The following HEATR5B variants were observed in gnomAD, a reference collection of about 807,000 sequenced individuals.
HEATR5B encodes the protein HEAT repeat containing 5B.
HEATR5B carries 156 observed loss-of-function variants against 224.1 expected under a neutral mutation model. That is an observed-to-expected ratio of 0.70 (90% CI 0.61 to 0.80). HEATR5B has a LOEUF of 0.80. Ranked by LOEUF, HEATR5B falls within the 30% of genes least tolerant of loss-of-function variation. The pLI is 0.00. For missense variants in HEATR5B, 2,323 were observed against 2,535.5 expected (o/e 0.92, Z 1.80); for synonymous variants, 1,027 against 893.0 (o/e 1.15, Z -2.68).
intron 2 of HEATR5B, 129 bp from the exon 3 acceptor site, chr2:37,079,460 C>T: frequency 1.9e-6 from 1 of 525,406 alleles, no homozygotes. Flanking sequence ...TAAACATAAA[C>T]CGTGAGAATT....
chr2:37,055,470 T>C (rs914083656), intron 16 of HEATR5B, among the ~76,000 whole-genome samples: 9 of 152,196 alleles, frequency 5.9e-5, no homozygotes, highest in Non-Finnish European at 1.2e-4. Flanking sequence ...AATGTTGAAA[T>C]AGATGCTTTA....
At chr2:37,062,707 T>C (rs1342818227) in intron 10 of HEATR5B, among the ~76,000 whole-genome samples, 1 of 152,264 alleles carries the variant, frequency 6.6e-6, no homozygotes, top group African/African-American at 2.4e-5. Flanking sequence ...TGCTACTACT[T>C]TGTCATTTCA....
At chr2:37,004,726 C>G (rs886597215) in intron 30 of HEATR5B, among the ~76,000 whole-genome samples, 2 of 152,102 alleles carry the variant, frequency 1.3e-5, no homozygotes, top group African/African-American at 4.8e-5. Context: ...TAACTCTGTT[C>G]TCTTTTGGTT....
intron 33 of HEATR5B, among the ~76,000 whole-genome samples, chr2:36,999,078 T>C (rs1366663043): frequency 2.0e-5 from 3 of 151,514 alleles, no homozygotes; most frequent in Non-Finnish European, 2.9e-5. Flanking sequence ...CTGGGCGTGG[T>C]GGTGCGTGCC....
chr2:36,984,340 T>G (rs950287730), intron 35 of HEATR5B, among the ~76,000 whole-genome samples: 8 of 150,850 alleles, frequency 5.3e-5, no homozygotes, highest in African/African-American at 1.9e-4. Context: ...CTGGATTCTT[T>G]TATTATCTAA....
At chr2:37,074,939 A>C (rs1672133975) in intron 5 of HEATR5B, among the ~76,000 whole-genome samples, 1 of 152,264 alleles carries the variant, frequency 6.6e-6, no homozygotes, top group Non-Finnish European at 1.5e-5. Flanking sequence ...GATATGAAGG[A>C]AGAGAAATTC....
chr2:37,081,895 T>C (rs1672593348), intron 2 of HEATR5B, among the ~76,000 whole-genome samples: 1 of 54,730 alleles, frequency 1.8e-5, no homozygotes, highest in African/African-American at 4.2e-5. Flanking sequence ...GGGGAATGAC[T>C]AGCCTACAGA....
At position 37,072,175 on chromosome 2, in the gene HEATR5B, C is replaced by G; in HGVS notation, c.704G>C (p.Arg235Pro). The G allele has an allele frequency of 1.2e-6, 2 of 1,613,968 alleles. No individual in the cohort carries two copies. Among genetic ancestry groups the G allele is most frequent in the East Asian group, 2.2e-5 (1 of 44,876 alleles). The stretch of plus-strand genomic sequence containing the variant: ...TCCTAAAAGTTTAGACACTGCCACT[C>G]GTACCCCATAATTTGAGTTTTCCAA... ...KALENSNYGV[R>P]VAVSKLLGTV... The change falls in exon 6 of 36, where the codon CGA becomes CCA. Residue 235 changes from arginine to proline, a missense_variant. This residue lies in a region of HEATR5B where 292 missense variants were observed against 332.6 expected (regional missense o/e 0.88). Coordinates refer to ENST00000233099, the MANE Select transcript of HEATR5B (RefSeq NM_019024.3).
chr2:36,984,215 A>AAAAAAAAAAAAAAAAAAAAATAT, intron 35 of HEATR5B, among the ~76,000 whole-genome samples: 1 of 77,644 alleles, frequency 1.3e-5, no homozygotes, highest in Non-Finnish European at 2.3e-5. Flanking sequence ...AAAAAAAAAA[A>AAAAAAAAAAAAAAAAAAAAATAT]ATATATATAT....
In HEATR5B at chr2:37,033,383, G is replaced by C. The variant is rs534865864; in HGVS notation, c.3217-610C>G. On this transcript the variant is annotated intron_variant, in intron 21 of 35. Transcript: ENST00000233099. ...TATACTTAAATGAAAAATCCAGAAG[G>C]ATCTTCTGCACATCTTATTTTACAC... 3.3e-5 allele frequency among the ~76,000 whole-genome samples: 5 copies of C among 152,162 alleles called. No individual in the cohort carries two copies. In the East Asian group the frequency reaches 7.7e-4, roughly 23 times the overall value.
intron 21 of HEATR5B, among the ~76,000 whole-genome samples, chr2:37,034,238 C>A (rs1198815305): frequency 2.0e-5 from 3 of 150,710 alleles, no homozygotes; most frequent in Non-Finnish European, 4.4e-5. Flanking sequence ...CATCTCCTGA[C>A]CTTCTGATCC....
Position 37,070,376 on chromosome 2 carries a change from T to G in HEATR5B, c.781A>C (p.Asn261His), listed in dbSNP as rs1175113529. Reference protein sequence around the residue: ...MPKQATVMRQNVKRATFDEVL... With the variant: ...MPKQATVMRQHVKRATFDEVL... ...TCATCAAATGTTGCTCGCTTCACAT[T>G]CTGACGCATTACTTTCAAGAAGAAA... Residue 261 changes from asparagine to histidine, a missense_variant, in exon 7 of 36, where the codon AAT (asparagine) becomes CAT (histidine). Asn to His is a moderately conservative substitution (Grantham distance 68). Coordinates refer to ENST00000233099, the MANE Select transcript of HEATR5B (RefSeq NM_019024.3). 1.9e-6 allele frequency: 3 copies of G among 1,613,186 alleles called. No individual in the cohort carries two copies. Among genetic ancestry groups the G allele is most frequent in the Non-Finnish European group, 2.5e-6 (3 of 1,179,480 alleles).
intron 6 of HEATR5B, among the ~76,000 whole-genome samples, chr2:37,070,808 T>C (rs748082152): frequency 5.3e-4 from 81 of 152,348 alleles, no homozygotes; most frequent in Admixed American, 1.1e-3. Context: ...TGCAACTGAA[T>C]TGGCATCCCT....
chr2:37,002,522 C>T lies in HEATR5B; in HGVS notation c.5101G>A (p.Asp1701Asn). 1 of 1,614,192 alleles carries T rather than the reference C, an allele frequency of 6.2e-7. No homozygotes were observed. Among genetic ancestry groups the T allele is most frequent in the South Asian group, 1.1e-5 (1 of 91,076 alleles). The change falls in exon 32 of 36, where the codon GAC becomes AAC. Residue 1701 changes from aspartate to asparagine, a missense_variant. This residue lies in a region of HEATR5B where 844 missense variants were observed against 812.9 expected (regional missense o/e 1.04). Coordinates refer to ENST00000233099, the MANE Select transcript of HEATR5B (RefSeq NM_019024.3). ...EACTVLGEGG[D>N]SGGLIPGKSL... ...TTTCCAGGAATGAGACCACCGCTGT[C>T]ACCTCCTTCTCCCAATACGGTACAG...
intron 22 of HEATR5B, among the ~76,000 whole-genome samples, chr2:37,031,402 A>T (rs547459039): frequency 4.1e-4 from 60 of 147,256 alleles, no homozygotes; most frequent in African/African-American, 1.3e-3. Flanking sequence ...ATTTTTCCCT[A>T]TCTTAGCTGT....
intron 18 of HEATR5B, among the ~76,000 whole-genome samples, chr2:37,043,614 T>TA (rs542734201): frequency 2.0e-5 from 3 of 151,914 alleles, no homozygotes; most frequent in Non-Finnish European, 2.9e-5. Context: ...TCCTAATCCT[T>TA]AAAAAAAATA....
intron 35 of HEATR5B, among the ~76,000 whole-genome samples, chr2:36,982,653 A>G (rs1442013622): frequency 1.3e-5 from 2 of 152,278 alleles, no homozygotes; most frequent in Non-Finnish European, 2.9e-5. Context: ...CAGCAAGGAC[A>G]GTGATAATAA....
At chr2:37,011,207 A>G (rs1185901347) in intron 27 of HEATR5B, among the ~76,000 whole-genome samples, 1 of 152,210 alleles carries the variant, frequency 6.6e-6, no homozygotes, top group African/African-American at 2.4e-5. Flanking sequence ...GAAAGGTGAG[A>G]CCGTTTTTAA....
chr2:36,986,533 A>G (rs1468118109), intron 35 of HEATR5B, among the ~76,000 whole-genome samples: 1 of 152,208 alleles, frequency 6.6e-6, no homozygotes, highest in Non-Finnish European at 1.5e-5. Context: ...AATGTTTTTA[A>G]GAGAAGAGGA....
Sources: allele counts gnomAD v4.1 joint callset (sites outside exome capture counted in the v4.1 genomes callset), GRCh38; gene constraint gnomAD v4.1.1; regional missense constraint gnomAD v4.1.1; transcripts MANE v1.5; gene names NCBI Gene and HGNC (gene_info 2026-07-23, HGNC 2026-07-21).